CGNL1: variants seen among roughly 807,000 people sequenced by gnomAD.
CGNL1 encodes cingulin-like protein 1.
CGNL1 carries 132 observed loss-of-function variants against 141.2 expected under a neutral mutation model. The observed-to-expected ratio is 0.93, with a 90% confidence interval of 0.81 to 1.08. CGNL1 has a LOEUF of 1.08. CGNL1 is among the 50% of genes least tolerant of loss of function. The pLI, the probability that CGNL1 is intolerant of heterozygous loss-of-function variation, is 0.00. For missense variants in CGNL1, 1,870 were observed against 1,588.6 expected (o/e 1.18, Z -3.01); for synonymous variants, 690 against 622.1 (o/e 1.11, Z -1.63).
At chr15:57,534,808 A>C (rs1481453411) in intron 14 of CGNL1, among the ~76,000 whole-genome samples, 1 of 152,228 alleles carries the variant, frequency 6.6e-6, no homozygotes, top group Non-Finnish European at 1.5e-5. Flanking sequence ...GCAAACTGCT[A>C]CTAGGCACTG....
At chr15:57,495,528 C>G (rs2063925464) in intron 8 of CGNL1, among the ~76,000 whole-genome samples, 2 of 152,070 alleles carry the variant, frequency 1.3e-5, no homozygotes, top group Non-Finnish European at 2.9e-5. Context: ...CTTTGTTTGC[C>G]CCTTTGACCT....
At chr15:57,381,348 C>A (rs568594655) in intron 1 of CGNL1, among the ~76,000 whole-genome samples, 16 of 152,170 alleles carry the variant, frequency 1.1e-4, no homozygotes, top group African/African-American at 3.6e-4. Context: ...TCCCTTGAGC[C>A]CAGGAGGTCA....
rs749171957 is a variant in CGNL1, at chr15:57,438,158, C to A, written c.159C>A (p.Pro53=). The change falls in exon 2 of 19, where the codon CCC becomes CCA. Residue 53 remains proline (P), a synonymous_variant. Transcript: ENST00000281282. The stretch of plus-strand genomic sequence containing the variant: ...GGGTCCAGGGAATTGATGGTCACCC[C>A]TATATTGTCCTGAATAACACAGAAC... The part of the protein sequence containing the change: ...SIRVQGIDGH[P]YIVLNNTERC... The A allele has an allele frequency of 3.7e-6, 6 of 1,614,072 alleles. No homozygotes were observed. The highest frequency in any genetic ancestry group is 3.3e-5 in the South Asian group (3 of 91,088).
intron 4 of CGNL1, among the ~76,000 whole-genome samples, chr15:57,445,048 G>A (rs1205199461): frequency 2.0e-5 from 3 of 152,130 alleles, no homozygotes; most frequent in African/African-American, 7.2e-5. Context: ...GGTTTCTTGA[G>A]GCCAAGAGTT....
Position 57,461,665 on chromosome 15 carries a change from G to T in CGNL1, c.2191-15G>T, listed in dbSNP as rs1201331208. The T allele has an allele frequency of 3.1e-6, 5 of 1,611,130 alleles. No homozygotes were observed. The East Asian group carries it at 1.1e-4, about 36-fold the overall frequency. On this transcript the variant is annotated splice_polypyrimidine_tract_variant and intron_variant, in intron 7 of 18. Transcript: ENST00000281282. ...TTTCATTGTCACCTTCTCCCTTCGT[G>T]TTTCCTCTCTCTAGGAGCTCTTACA...
intron 1 of CGNL1, among the ~76,000 whole-genome samples, chr15:57,378,390 TTTTTTTTTG>T (rs2062390146): frequency 7.4e-6 from 1 of 134,506 alleles, no homozygotes; most frequent in African/African-American, 2.8e-5. Flanking sequence ...TTTTTTTTTT[TTTTTTTTTG>T]AGACAGAGTT....
chr15:57,455,016 A>G (rs1306474340), intron 7 of CGNL1, among the ~76,000 whole-genome samples: 2 of 152,156 alleles, frequency 1.3e-5, no homozygotes, highest in African/African-American at 4.8e-5. Context: ...ACCCATGTAT[A>G]TATAATATAA....
chr15:57,543,564 G>A (rs2032681033), intron 14 of CGNL1, 132 bp from the exon 15 acceptor site: 1 of 715,480 alleles, frequency 1.4e-6, no homozygotes, highest in African/African-American at 1.8e-5. Context: ...CAGAGCAGAT[G>A]GCACGAGGGG....
chr15:57,499,268 C>T (rs1367416806), intron 8 of CGNL1, among the ~76,000 whole-genome samples: 12 of 113,432 alleles, frequency 1.1e-4, no homozygotes, highest in African/African-American at 4.4e-4. Context: ...TTTTTGGAGA[C>T]GGAGTCTCAC....
At chr15:57,537,810 TG>T (rs2032343366) in intron 14 of CGNL1, among the ~76,000 whole-genome samples, 1 of 152,256 alleles carries the variant, frequency 6.6e-6, no homozygotes, top group Non-Finnish European at 1.5e-5. Flanking sequence ...AATCCAGCTG[TG>T]ATATACTTTT....
intron 8 of CGNL1, among the ~76,000 whole-genome samples, chr15:57,492,493 C>T (rs553792951): frequency 6.8e-4 from 103 of 152,046 alleles, no homozygotes; most frequent in Non-Finnish European, 9.1e-4. Flanking sequence ...CTTACAAAAG[C>T]ACATAGAGTA....
intron 4 of CGNL1, among the ~76,000 whole-genome samples, chr15:57,449,555 C>G (rs568726417): frequency 1.8e-4 from 28 of 152,324 alleles, no homozygotes; most frequent in Middle Eastern, 6.8e-3. Flanking sequence ...CCTACACTGG[C>G]ACATCATTAT....
At chr15:57,445,923 T>G (rs1159312443) in intron 4 of CGNL1, among the ~76,000 whole-genome samples, 1 of 152,164 alleles carries the variant, frequency 6.6e-6, no homozygotes, top group Non-Finnish European at 1.5e-5. Flanking sequence ...AGATAATATT[T>G]TGTAATAGAC....
chr15:57,454,350 T>G (rs1463389430), intron 7 of CGNL1, among the ~76,000 whole-genome samples: 1 of 152,202 alleles, frequency 6.6e-6, no homozygotes, highest in African/African-American at 2.4e-5. Flanking sequence ...TGTGTTAATA[T>G]TTAATTTTCT....
At chr15:57,407,110 T>G (rs2062731923) in intron 1 of CGNL1, 1 of 152,222 alleles carries the variant, frequency 6.6e-6, no homozygotes, top group African/African-American at 2.4e-5. Flanking sequence ...GAGGTGGGCT[T>G]CCTGAATGGC....
chr15:57,449,469 C>T (rs1190260368), intron 4 of CGNL1, among the ~76,000 whole-genome samples: 1 of 152,200 alleles, frequency 6.6e-6, no homozygotes, highest in Non-Finnish European at 1.5e-5. Context: ...TTCCCGTTTA[C>T]TGTCCTGTCC....
chr15:57,538,808 C>T (rs1480806291), intron 14 of CGNL1, among the ~76,000 whole-genome samples: 1 of 152,212 alleles, frequency 6.6e-6, no homozygotes. Flanking sequence ...GCTCCACAGT[C>T]CCGGTCTAAA....
chr15:57,502,529 A>G (rs1335397446), intron 8 of CGNL1, among the ~76,000 whole-genome samples: 1 of 152,204 alleles, frequency 6.6e-6, no homozygotes, highest in Non-Finnish European at 1.5e-5. Context: ...GATGAATGAA[A>G]TACAGGCCTG....
At chr15:57,535,721 G>T (rs111629396) in intron 14 of CGNL1, among the ~76,000 whole-genome samples, 3 of 152,196 alleles carry the variant, frequency 2.0e-5, no homozygotes, top group African/African-American at 7.2e-5. Context: ...GGCAGCCATC[G>T]AAGGCGATTG....
Sources: allele counts gnomAD v4.1 joint callset (sites outside exome capture counted in the v4.1 genomes callset), GRCh38; gene constraint gnomAD v4.1.1; transcripts MANE v1.5; gene names NCBI Gene and HGNC (gene_info 2026-07-23, HGNC 2026-07-21).